The following OTUD7B variants were observed in gnomAD, a reference collection of about 807,000 sequenced individuals.
OTUD7B encodes OTU domain-containing protein 7B.
A neutral mutation model predicts 82.2 loss-of-function variants in OTUD7B; 34 were observed. The observed-to-expected ratio is 0.41, with a 90% CI of 0.31 to 0.55. OTUD7B has a LOEUF of 0.55. Among genes scored for constraint, OTUD7B ranks in the 20% least tolerant of loss-of-function variants. OTUD7B has a pLI of 0.20. For missense variants in OTUD7B, 944 were observed against 1,062.1 expected, an observed-to-expected ratio of 0.89 and a Z score of 1.55; for synonymous variants, 398 against 402.7, an observed-to-expected ratio of 0.99 and a Z score of 0.14.
the OTUD7B span, among the ~76,000 whole-genome samples, chr1:150,059,226 G>A: frequency 9.5e-6 from 1 of 104,732 alleles, no homozygotes; most frequent in Non-Finnish European, 1.9e-5. Context: ...GCTAATTTTT[G>A]TAGTTTTTAC....
chr1:149,962,384 C>T (rs1553775792), intron 6 of OTUD7B: 1 of 152,166 alleles, frequency 6.6e-6, no homozygotes, highest in Non-Finnish European at 1.5e-5. Context: ...TATCCTCCTC[C>T]TACCATTCCC....
At chr1:149,997,742 C>T (rs1036525434) in intron 1 of OTUD7B, among the ~76,000 whole-genome samples, 3 of 152,136 alleles carry the variant, frequency 2.0e-5, no homozygotes, top group Non-Finnish European at 4.4e-5. Context: ...AAAACCCATA[C>T]GGAACTGAAA....
At chr1:150,022,396 CAAAA>C in the OTUD7B span, among the ~76,000 whole-genome samples, 24 of 6,062 alleles carry the variant, frequency 4.0e-3, 5 homozygotes, top group Non-Finnish European at 0.011. Flanking sequence ...AAACTCTCTA[CAAAA>C]AAAAAAAAAA....
At chr1:149,951,392 C>T (rs889747181) in intron 7 of OTUD7B, among the ~76,000 whole-genome samples, 14 of 152,166 alleles carry the variant, frequency 9.2e-5, no homozygotes, top group Non-Finnish European at 1.5e-4. Flanking sequence ...GTGTGAGCCA[C>T]TACGCCTGGC....
the OTUD7B span, among the ~76,000 whole-genome samples, chr1:150,055,890 G>A: frequency 6.6e-6 from 1 of 152,170 alleles, no homozygotes; most frequent in Non-Finnish European, 1.5e-5. Flanking sequence ...CTTGAGGGTG[G>A]AGGGTGGGAG....
intron 1 of OTUD7B, among the ~76,000 whole-genome samples, chr1:149,989,111 C>T (rs587632990): frequency 6.6e-6 from 1 of 152,212 alleles, no homozygotes; most frequent in South Asian, 2.1e-4. Flanking sequence ...GGAAATTAAT[C>T]CACTTCATAA....
chr1:150,037,737 A>ATG, the OTUD7B span, among the ~76,000 whole-genome samples: 1 of 151,868 alleles, frequency 6.6e-6, no homozygotes, highest in African/African-American at 2.4e-5. Context: ...TTACAGGTGC[A>ATG]TGCCACCATG....
intron 6 of OTUD7B, chr1:149,961,747 T>A (rs1245365028): frequency 6.6e-6 from 1 of 152,240 alleles, no homozygotes; most frequent in African/African-American, 2.4e-5. Context: ...TCCTCTATGC[T>A]AGGATCATGT....
chr1:150,018,645 A>G, the OTUD7B span, among the ~76,000 whole-genome samples: 1 of 152,190 alleles, frequency 6.6e-6, no homozygotes, highest in Non-Finnish European at 1.5e-5. Context: ...CATTGCCCTT[A>G]AGAAGTTTTC....
chr1:150,057,406 T>G, the OTUD7B span, among the ~76,000 whole-genome samples: 1 of 152,212 alleles, frequency 6.6e-6, no homozygotes, highest in East Asian at 1.9e-4. Flanking sequence ...GTAACAATTT[T>G]CTTAAAATCT....
intron 1 of OTUD7B, among the ~76,000 whole-genome samples, chr1:149,983,329 G>GA (rs149671680): frequency 0.014 from 2,149 of 151,974 alleles, 44 homozygotes; most frequent in African/African-American, 0.039. Context: ...CAGCATGGAG[G>GA]AAAAAACCAC....
upstream of OTUD7B, among the ~76,000 whole-genome samples, chr1:150,014,086 A>G (rs10788866): frequency 0.2 from 2,813 of 13,774 alleles, 98 homozygotes; most frequent in East Asian, 0.52. Context: ...GTGTGTGTGT[A>G]TATATATATA....
the OTUD7B span, among the ~76,000 whole-genome samples, chr1:150,044,691 T>TAATAAC: frequency 6.6e-6 from 1 of 150,504 alleles, no homozygotes; most frequent in Non-Finnish European, 1.5e-5. Context: ...ATAATGATAA[T>TAATAAC]AATAATAATA....
At chr1:149,957,841 C>T (rs587598328) in intron 7 of OTUD7B, among the ~76,000 whole-genome samples, 4 of 152,316 alleles carry the variant, frequency 2.6e-5, no homozygotes, top group East Asian at 1.9e-4. Context: ...GAGCCAGGCA[C>T]GGGATATAAT....
At chr1:149,961,858 G>A (rs1361584697) in intron 6 of OTUD7B, 2 of 152,146 alleles carry the variant, frequency 1.3e-5, no homozygotes, top group Non-Finnish European at 2.9e-5. Flanking sequence ...AATGGTACAA[G>A]CAATTTTAAA....
rs1649879346 is a variant in OTUD7B, at chr1:149,970,946, C to T, written c.274+117G>A. 6.2e-6 allele frequency: 6 copies of T among 975,360 alleles called. No homozygotes were observed. The Admixed American group carries it at 8.2e-5, about 13-fold the overall frequency. The allele number at this position is 975,360 out of a possible 1,614,324, so 60.4% of individuals were successfully genotyped here. A position where few individuals can be genotyped will look rare whatever the true frequency, so the allele number is the denominator to read the frequency against. On this transcript the variant is annotated intron_variant, in intron 3 of 11. Transcript: ENST00000581312. Reference sequence around the variant, plus strand: ...TGAGGCCACCTCAGTCTGGGTTTGGCTGGGAGAAGGGGAAGAAATGGAATC... The same window carrying T: ...TGAGGCCACCTCAGTCTGGGTTTGGTTGGGAGAAGGGGAAGAAATGGAATC...
chr1:150,019,973 C>T, the OTUD7B span, among the ~76,000 whole-genome samples: 1 of 151,914 alleles, frequency 6.6e-6, no homozygotes. Context: ...ACTGTCTCTA[C>T]AAAATTTTTA....
chr1:150,039,242 C>A, the OTUD7B span, among the ~76,000 whole-genome samples: 1 of 152,034 alleles, frequency 6.6e-6, no homozygotes, highest in African/African-American at 2.4e-5. Context: ...AAGTTCCTAT[C>A]CTCAATTCTC....
chr1:150,054,773 G>GCT, the OTUD7B span: 1 of 121,856 alleles, frequency 8.2e-6, no homozygotes, highest in East Asian at 2.8e-4. Context: ...GTGCCACTGC[G>GCT]CTTCAGCCTG....
Sources: allele counts gnomAD v4.1 joint callset (sites outside exome capture counted in the v4.1 genomes callset), GRCh38; gene constraint gnomAD v4.1.1; transcripts MANE v1.5; gene names NCBI Gene and HGNC (gene_info 2026-07-23, HGNC 2026-07-21).